The following SSX2IP variants were observed in gnomAD, a reference collection of about 807,000 sequenced individuals.
The protein encoded by SSX2IP is SSX family member 2 interacting protein.
A neutral mutation model predicts 84.9 loss-of-function variants in SSX2IP; 55 were observed. That is an observed-to-expected ratio of 0.65 (90% confidence interval 0.52 to 0.81). The LOEUF (loss-of-function observed/expected upper bound fraction) is 0.81, where lower values mean the gene tolerates loss of function less well. Ranked by LOEUF, SSX2IP falls within the 30% of genes least tolerant of loss-of-function variation. The probability of loss-of-function intolerance (pLI) is 0.00; values close to 1 mark genes in which losing one functional copy is unlikely to be tolerated. For synonymous variants in SSX2IP, 239 were observed against 234.7 expected, an observed-to-expected ratio of 1.02 and a Z score of -0.17; for missense variants, 664 against 705.2, an observed-to-expected ratio of 0.94 and a Z score of 0.66.
Position 84,644,487 on chromosome 1 carries a change from T to C in SSX2IP, c.*2946A>G, listed in dbSNP as rs1252016293. On this transcript the variant is annotated 3_prime_UTR_variant, in exon 14 of 14. Coordinates refer to ENST00000342203, the MANE Select transcript of SSX2IP (RefSeq NM_001166293.2). ...GAAAAAGGACAAAAATAGGGAAAAG[T>C]ATATTTACTAGACTTCCATAATCCA... The C allele has an allele frequency of 2.6e-5, 4 of 152,228 alleles. No individual in the cohort carries two copies. The East Asian group carries it at 5.8e-4, about 22-fold the overall frequency. The allele number at this position is 152,228 out of a possible 1,614,324, so 9.4% of individuals were successfully genotyped here. A position where few individuals can be genotyped will look rare whatever the true frequency, so the allele number is the denominator to read the frequency against.
At chr1:84,666,882 G>A (rs1424283471) in intron 4 of SSX2IP, among the ~76,000 whole-genome samples, 1 of 151,966 alleles carries the variant, frequency 6.6e-6, no homozygotes, top group African/African-American at 2.4e-5. Context: ...CCACCCATAT[G>A]GAATATTTTT....
intron 11 of SSX2IP, chr1:84,652,516 G>A (rs1650428431): frequency 6.6e-6 from 1 of 151,074 alleles, no homozygotes; most frequent in South Asian, 2.1e-4. Flanking sequence ...CGGATCACAA[G>A]GTCAGGAGTT....
intron 13 of SSX2IP, chr1:84,649,829 G>A (rs1649962708): frequency 2.4e-6 from 1 of 419,456 alleles, no homozygotes; most frequent in Non-Finnish European, 4.7e-6. Context: ...ACACCAAAAT[G>A]TAGCAATTAA....
chr1:84,676,578 T>C (rs1210081552), intron 1 of SSX2IP, among the ~76,000 whole-genome samples: 1 of 152,144 alleles, frequency 6.6e-6, no homozygotes, highest in East Asian at 1.9e-4. Context: ...ATTCCTCATG[T>C]CCAAGTGTTT....
chr1:84,646,492 T>G lies in SSX2IP; in HGVS notation c.*941A>C. ...CAAAGCCCTAGTTAGTATACAGATA[T>G]TACTATACTGGTACCCATCTTGTAA... On this transcript the variant is annotated 3_prime_UTR_variant, in exon 14 of 14. Transcript: ENST00000342203. The G allele has an allele frequency of 6.6e-6, 1 of 152,588 alleles. No individual in the cohort carries two copies. The highest frequency in any genetic ancestry group is 2.4e-5 in the African/African-American group (1 of 41,462). The allele number at this position is 152,588 out of a possible 1,614,324, so 9.5% of individuals were successfully genotyped here.
rs571275670 is a variant in SSX2IP at position 84,658,253 on chromosome 1, T to A, written c.1078+65A>T. 8.8e-6 allele frequency: 14 copies of A among 1,587,292 alleles called. No individual in the cohort carries two copies. The African/African-American group carries it at 1.9e-4, about 21-fold the overall frequency. Reference sequence around the variant, plus strand: ...TGAGCCTATAATGCGGCTTTCTAAGTGACTAAAAATCAACACCTTACCAAA... The same window carrying A: ...TGAGCCTATAATGCGGCTTTCTAAGAGACTAAAAATCAACACCTTACCAAA... On this transcript the variant is annotated intron_variant, in intron 9 of 13. Transcript: ENST00000342203.
At chr1:84,683,529 C>A (rs1655372508) in intron 1 of SSX2IP, among the ~76,000 whole-genome samples, 1 of 152,184 alleles carries the variant, frequency 6.6e-6, no homozygotes, top group Non-Finnish European at 1.5e-5. Flanking sequence ...TATTACAGCA[C>A]AGATCTAACA....
chr1:84,672,729 TAA>T (rs1293175413), intron 1 of SSX2IP, among the ~76,000 whole-genome samples: 1 of 152,190 alleles, frequency 6.6e-6, no homozygotes, highest in Non-Finnish European at 1.5e-5. Flanking sequence ...AATATAGTGT[TAA>T]ATGAAAATTT....
intron 1 of SSX2IP, among the ~76,000 whole-genome samples, chr1:84,686,431 T>G (rs1255209316): frequency 6.6e-6 from 1 of 152,186 alleles, no homozygotes; most frequent in Non-Finnish European, 1.5e-5. Flanking sequence ...TAGTGTCATT[T>G]AGATAAAGGG....
At position 84,647,300 on chromosome 1, in the gene SSX2IP, G is replaced by T; in HGVS notation, c.*133C>A. The T allele has an allele frequency of 1.5e-6, 1 of 674,556 alleles. No individual in the cohort carries two copies. Among genetic ancestry groups the T allele is most frequent in the Middle Eastern group, 4.4e-4 (1 of 2,290 alleles). 41.8% of individuals were successfully genotyped at this position (674,556 alleles called of 1,614,324 possible). A position where few individuals can be genotyped will look rare whatever the true frequency, so the allele number is the denominator to read the frequency against. On this transcript the variant is annotated 3_prime_UTR_variant, in exon 14 of 14. Transcript: ENST00000342203. ...TTAAGATTTCAACTCTTTGGGGGAA[G>T]ACAGGGAAGTCCAAACAAACAACTC... is the stretch of plus-strand genomic sequence containing the variant.
At chr1:84,676,230 CA>C (rs1395090207) in intron 1 of SSX2IP, among the ~76,000 whole-genome samples, 1 of 152,112 alleles carries the variant, frequency 6.6e-6, no homozygotes, top group African/African-American at 2.4e-5. Flanking sequence ...TACATCAAAG[CA>C]AAAGTATAAA....
chr1:84,650,476 G>A lies in SSX2IP; in HGVS notation c.1556C>T (p.Pro519Leu). The A allele has an allele frequency of 5.0e-6, 8 of 1,614,160 alleles. No homozygotes were observed. Among genetic ancestry groups the A allele is most frequent in the Non-Finnish European group, 6.8e-6 (8 of 1,180,028 alleles). The change falls in exon 13 of 14, where the codon CCT becomes CTT. Residue 519 changes from proline (P) to leucine (L), a missense_variant. Transcript: ENST00000342203. Reference sequence around the variant, plus strand: ...TGGAGACCCATTAGACACACTGTGAGGCTTCTTTTGCGGCTGCCTCGAGTG... The same window carrying A: ...TGGAGACCCATTAGACACACTGTGAAGCTTCTTTTGCGGCTGCCTCGAGTG... ...IVHSRQPQKK[P>L]HSVSNGSPVC...
intron 1 of SSX2IP, among the ~76,000 whole-genome samples, chr1:84,688,359 T>C (rs1434801541): frequency 6.6e-6 from 1 of 152,136 alleles, no homozygotes; most frequent in Non-Finnish European, 1.5e-5. Context: ...CATGAGCAAA[T>C]GGTGAAACCA....
chr1:84,674,093 A>G (rs1341215710), intron 1 of SSX2IP, among the ~76,000 whole-genome samples: 1 of 152,180 alleles, frequency 6.6e-6, no homozygotes, highest in East Asian at 1.9e-4. Flanking sequence ...CAATAAACCT[A>G]TTCTAATAGA....
intron 5 of SSX2IP, 94 bp from the exon 6 acceptor site, chr1:84,664,646 A>G (rs1652508585): frequency 1.8e-6 from 2 of 1,091,182 alleles, no homozygotes; most frequent in South Asian, 4.7e-5. Flanking sequence ...AGGTTTTAAA[A>G]TCCTAGGATG....
rs61017474 is a variant in SSX2IP, at chr1:84,676,719, CTTTTTTTTT to C, written c.-89-5420_-89-5412del. Among the ~76,000 whole-genome samples the C allele has an allele frequency of 1.0e-4, 10 of 99,490 alleles. No individual in the cohort carries two copies. The East Asian group carries it at 1.4e-3, about 14-fold the overall frequency. The allele number at this position is 99,490 out of a possible 152,430, so 65.3% of individuals were successfully genotyped here. ...GATTTCAAGACTCTGTGCTCTTTTC[CTTTTTTTTT>C]TTTTTTTTTTTTGAAACGGAGTCTC... On this transcript the variant is annotated intron_variant, in intron 1 of 13. Transcript: ENST00000342203.
At chr1:84,671,335 G>T in intron 1 of SSX2IP, 27 bp from the exon 2 acceptor site, 1 of 1,464,482 alleles carries the variant, frequency 6.8e-7, no homozygotes. Flanking sequence ...TAGAATAATA[G>T]CATCTAATTT....
intron 12 of SSX2IP, among the ~76,000 whole-genome samples, chr1:84,651,347 GCATT>G (rs1251379703): frequency 1.3e-5 from 2 of 151,802 alleles, no homozygotes; most frequent in African/African-American, 2.4e-5. Context: ...CAAAAACTTC[GCATT>G]ATTACAAACT....
intron 11 of SSX2IP, chr1:84,655,476 C>A (rs1348593410): frequency 7.7e-7 from 1 of 1,303,642 alleles, no homozygotes; most frequent in East Asian, 5.3e-5. Flanking sequence ...TTTTAAACAG[C>A]AAATATAGTC....
Sources: allele counts gnomAD v4.1 joint callset (sites outside exome capture counted in the v4.1 genomes callset), GRCh38; gene constraint gnomAD v4.1.1; transcripts MANE v1.5; gene names NCBI Gene and HGNC (gene_info 2026-07-23, HGNC 2026-07-21).